The following ACTN2 variants were observed in gnomAD, a reference collection of about 807,000 sequenced individuals.
ACTN2 encodes the protein actinin alpha 2, also known as alpha-actinin-2.
In ACTN2, 39 loss-of-function variants were observed where a neutral mutation model predicts 113.8. The ratio of observed to expected loss-of-function variants is 0.34; its 90% CI spans 0.27 to 0.45. The LOEUF (loss-of-function observed/expected upper bound fraction) is 0.45, where lower values mean the gene tolerates loss of function less well. Among genes scored for constraint, ACTN2 ranks in the 20% least tolerant of loss-of-function variants. The pLI is 1.00. For missense variants in ACTN2, 992 were observed against 1,177.9 expected (o/e 0.84, Z 2.31); for synonymous variants, 429 against 444.1 (o/e 0.97, Z 0.43).
At chr1:236,722,045 TA>T (rs1658411897) in intron 4 of ACTN2, among the ~76,000 whole-genome samples, 1 of 152,144 alleles carries the variant, frequency 6.6e-6, no homozygotes, top group African/African-American at 2.4e-5. Context: ...AATTAAACAT[TA>T]AAAAATTATA....
At chr1:236,706,054 T>C (rs1657815078) in intron 1 of ACTN2, among the ~76,000 whole-genome samples, 1 of 152,176 alleles carries the variant, frequency 6.6e-6, no homozygotes, top group Non-Finnish European at 1.5e-5. Flanking sequence ...ATTAGCCTGA[T>C]TCTATTTTTA....
At chr1:236,746,721 A>C (rs954146910) in intron 12 of ACTN2, among the ~76,000 whole-genome samples, 3 of 151,998 alleles carry the variant, frequency 2.0e-5, no homozygotes, top group Non-Finnish European at 2.9e-5. Flanking sequence ...AAAAAAAAAA[A>C]ATTGCTTCAG....
chr1:236,730,271 C>CTTTT (rs11410238), intron 6 of ACTN2, among the ~76,000 whole-genome samples: 2 of 146,878 alleles, frequency 1.4e-5, no homozygotes, highest in East Asian at 4.0e-4. Flanking sequence ...TAGTTAAACA[C>CTTTT]TTTTTTTTTT....
chr1:236,696,992 A>C (rs1229924609), intron 1 of ACTN2, among the ~76,000 whole-genome samples: 1 of 152,160 alleles, frequency 6.6e-6, no homozygotes, highest in Non-Finnish European at 1.5e-5. Context: ...GATGCCCTTG[A>C]CCAATACCAC....
In ACTN2 at chr1:236,731,263, A is replaced by G. The variant is rs749019847; in HGVS notation, c.646A>G (p.Met216Val). ...CCCCATAGGAAATATTAACCTGGCC[A>G]TGGAAATCGCTGAGAAGCACCTGGA... ...DDPIGNINLA[M>V]EIAEKHLDIP... is the part of the protein sequence containing the mutation. Residue 216 changes from methionine (M) to valine (V), a missense_variant, in exon 7 of 21, where the codon ATG becomes GTG. Physicochemically the swap from Met to Val is conservative, Grantham distance 21 (BLOSUM62 1). Transcript: ENST00000366578. 52 of 1,613,924 alleles carry G rather than the reference A, an allele frequency of 3.2e-5. No individual in the cohort carries two copies. Among genetic ancestry groups the G allele is most frequent in the Non-Finnish European group, 4.1e-5 (48 of 1,179,790 alleles).
rs774427107 is a variant in ACTN2, at chr1:236,755,150, C to G, written c.2106C>G (p.Ile702Met). The change falls in exon 17 of 21, where the codon ATC becomes ATG. Residue 702 changes from isoleucine (I) to methionine (M), a missense_variant. Transcript: ENST00000366578. ...AGCTGGAGGGAGACCATCAGCTCAT[C>G]CAGGAGGCCCTTGTCTTTGACAACA... ...IDKLEGDHQLIQEALVFDNKH... is the reference protein window; with the variant it reads ...IDKLEGDHQLMQEALVFDNKH... 6.2e-7 allele frequency: 1 copy of G among 1,614,194 alleles called. No homozygotes were observed. Among genetic ancestry groups the G allele is most frequent in the South Asian group, 1.1e-5 (1 of 91,078 alleles).
In ACTN2 at chr1:236,711,371, G is replaced by C. The variant is rs114553943; in HGVS notation, c.127-6487G>C. ...GTCTTTTTATTTTTTATTTTTTTGC[G>C]ACAGAGGCTCACTCTGTTGCCTAAG... On this transcript the variant is annotated intron_variant, in intron 1 of 20. Coordinates refer to ENST00000366578, the MANE Select transcript of ACTN2 (RefSeq NM_001103.4). 1.8e-3 allele frequency among the ~76,000 whole-genome samples: 266 copies of C among 151,756 alleles called. 3 individuals are homozygous for C. The highest frequency in any genetic ancestry group is 6.3e-3 in the African/African-American group (260 of 41,382).
chr1:236,741,927 TC>T (rs1183439515), intron 10 of ACTN2, among the ~76,000 whole-genome samples: 1 of 152,172 alleles, frequency 6.6e-6, no homozygotes, highest in Non-Finnish European at 1.5e-5. Flanking sequence ...AACGCATCTC[TC>T]CCTCTGCCCT....
At chr1:236,730,074 A>G (rs1415737916) in intron 6 of ACTN2, among the ~76,000 whole-genome samples, 1 of 152,260 alleles carries the variant, frequency 6.6e-6, no homozygotes, top group Non-Finnish European at 1.5e-5. Context: ...CCTGTAAAGT[A>G]GGTACTATTA....
intron 1 of ACTN2, among the ~76,000 whole-genome samples, chr1:236,700,674 AGGATGCTGAATTT>A (rs1657647235): frequency 6.6e-6 from 1 of 152,186 alleles, no homozygotes; most frequent in Admixed American, 6.5e-5. Flanking sequence ...ACAATGTCTG[AGGATGCTGAATTT>A]GATACTTCTG....
At chr1:236,736,613 G>A (rs1485269816) in intron 8 of ACTN2, 19 of 1,535,598 alleles carry the variant, frequency 1.2e-5, no homozygotes, top group Admixed American at 2.0e-5. Context: ...CCTCCAGAAA[G>A]TTCTACATGT....
At chr1:236,704,891 A>G (rs2102874277) in intron 1 of ACTN2, among the ~76,000 whole-genome samples, 1 of 152,318 alleles carries the variant, frequency 6.6e-6, no homozygotes, top group South Asian at 2.1e-4. Context: ...GCTGAGTGGG[A>G]AAATCCCCAC....
At position 236,686,613 on chromosome 1, in the gene ACTN2, C is replaced by A. The variant is rs1427095122; in HGVS notation, c.-61C>A. 1.9e-5 allele frequency: 28 copies of A among 1,498,362 alleles called. No homozygotes were observed. Among genetic ancestry groups the A allele is most frequent in the Non-Finnish European group, 2.5e-5 (28 of 1,121,824 alleles). 92.8% of individuals were successfully genotyped at this position (1,498,362 alleles called of 1,614,324 possible). A position where few individuals can be genotyped will look rare whatever the true frequency, so the allele number is the denominator to read the frequency against. ...CCCGCCGCCTCCGTGGGTCCGTTTG[C>A]CAGTCAGCCCGTGCGTCCGAGCCCC... is the stretch of plus-strand genomic sequence containing the variant. On this transcript the variant is annotated 5_prime_UTR_variant, in exon 1 of 21. Coordinates refer to ENST00000366578, the MANE Select transcript of ACTN2 (RefSeq NM_001103.4).
chr1:236,761,238 C>G, intron 20 of ACTN2, 65 bp downstream of exon 20: 1 of 1,590,910 alleles, frequency 6.3e-7, no homozygotes, highest in Non-Finnish European at 8.6e-7. Flanking sequence ...ACAAAAAAGG[C>G]AACAGTGTTG....
Position 236,759,764 on chromosome 1 carries a change from G to T in ACTN2, c.2342G>T (p.Cys781Phe). ...ATGGATCATGAGGATTTCAGAGCCT[G>T]CCTGATTTCCATGGGTTATGACCTG... The part of the protein sequence containing the change: ...GLMDHEDFRA[C>F]LISMGYDLGE... The change falls in exon 19 of 21, where the codon TGC becomes TTC. Residue 781 changes from cysteine (C) to phenylalanine (F), a missense_variant. Coordinates refer to ENST00000366578, the MANE Select transcript of ACTN2 (RefSeq NM_001103.4). 1 of 1,614,112 alleles carries T rather than the reference G, an allele frequency of 6.2e-7. No individual in the cohort carries two copies.
chr1:236,701,260 C>T (rs991228289), intron 1 of ACTN2, among the ~76,000 whole-genome samples: 3 of 151,812 alleles, frequency 2.0e-5, no homozygotes, highest in Non-Finnish European at 4.4e-5. Context: ...CTTTTTTTTT[C>T]CCCCAAGTAA....
At position 236,735,736 on chromosome 1, in the gene ACTN2, C is replaced by T. The variant is rs754416848; in HGVS notation, c.783+16C>T. ...CGCGGAGCAGGTACTCAACACTTGT[C>T]CGTCCGGGCTGTTGTGTTACTCTCT... On this transcript the variant is annotated intron_variant, in intron 8 of 20. Transcript: ENST00000366578. The T allele has an allele frequency of 1.9e-6, 3 of 1,610,152 alleles. No homozygotes were observed. The highest frequency in any genetic ancestry group is 1.1e-5 in the South Asian group (1 of 90,984).
At chr1:236,747,873 C>A in intron 13 of ACTN2, 98 bp downstream of exon 13, 1 of 999,416 alleles carries the variant, frequency 1.0e-6, no homozygotes, top group Non-Finnish European at 1.5e-6. Context: ...TGGCATGAAA[C>A]AGGTTGCCTA....
chr1:236,761,306 AAGGC>A lies in ACTN2; in HGVS notation c.2526+136_2526+139del, dbSNP rs1450956012. 4.7e-6 allele frequency: 5 copies of A among 1,066,944 alleles called. No homozygotes were observed. The African/African-American group carries it at 7.8e-5, about 17-fold the overall frequency. 66.1% of individuals were successfully genotyped at this position (1,066,944 alleles called of 1,614,324 possible). On this transcript the variant is annotated intron_variant, in intron 20 of 20. Coordinates refer to ENST00000366578, the MANE Select transcript of ACTN2 (RefSeq NM_001103.4). The stretch of plus-strand genomic sequence containing the variant: ...TGTACAACATTGGCACTGATTTCAG[AAGGC>A]AGCAGATAGACACACAACAATGGCG...
Sources: gnomAD v4.1 joint callset for allele counts (sites outside exome capture counted in the v4.1 genomes callset) on GRCh38, gnomAD v4.1.1 for gene constraint, MANE v1.5 for transcripts, NCBI Gene and HGNC (gene_info 2026-07-23, HGNC 2026-07-21) for gene names.